Variants in FAF1 observed in about 807,000 individuals in gnomAD.
FAF1 encodes FAS-associated factor 1.
A neutral mutation model predicts 92.5 loss-of-function variants in FAF1; 25 were observed. The observed-to-expected ratio is 0.27, with a 90% CI of 0.20 to 0.38. FAF1 has a LOEUF of 0.38. Among genes scored for constraint, FAF1 ranks in the 10% least tolerant of loss-of-function variants. The pLI, the probability that FAF1 is intolerant of heterozygous loss-of-function variation, is 1.00. For synonymous variants in FAF1, 234 were observed against 273.2 expected (o/e 0.86, Z 1.42); for missense variants, 636 against 793.3 (o/e 0.80, Z 2.38).
At chr1:50,500,212 T>TA (rs1186936601) in intron 15 of FAF1, among the ~76,000 whole-genome samples, 1 of 152,008 alleles carries the variant, frequency 6.6e-6, no homozygotes, top group Non-Finnish European at 1.5e-5. Context: ...GAATTATGGA[T>TA]AAAAAATAAA....
intron 2 of FAF1, among the ~76,000 whole-genome samples, chr1:50,822,687 T>A (rs1168578765): frequency 6.6e-6 from 1 of 152,056 alleles, no homozygotes; most frequent in Non-Finnish European, 1.5e-5. Context: ...AGATTGAATT[T>A]GCGAGCTAAA....
intron 13 of FAF1, among the ~76,000 whole-genome samples, chr1:50,548,093 T>C (rs966883366): frequency 1.3e-5 from 2 of 152,236 alleles, no homozygotes; most frequent in Non-Finnish European, 2.9e-5. Context: ...AGCCAATTTA[T>C]GTTTAATGCC....
chr1:50,593,444 GATTTATCC>G (rs1177794558), intron 9 of FAF1, among the ~76,000 whole-genome samples: 1 of 152,134 alleles, frequency 6.6e-6, no homozygotes, highest in Non-Finnish European at 1.5e-5. Context: ...AATGTTAGTG[GATTTATCC>G]ATTAAAGAGT....
intron 1 of FAF1, among the ~76,000 whole-genome samples, chr1:50,932,979 C>A (rs1428627310): frequency 6.6e-6 from 1 of 152,218 alleles, no homozygotes. Flanking sequence ...TGGCCCATTT[C>A]AGCCATGGCT....
chr1:50,787,992 AAC>A lies in FAF1; in HGVS notation c.367+6_367+7del, dbSNP rs779049366. The A allele has an allele frequency of 6.2e-7, 1 of 1,609,910 alleles. No individual in the cohort carries two copies. Among genetic ancestry groups the A allele is most frequent in the African/African-American group, 1.3e-5 (1 of 74,800 alleles). ...TTTGTGAAGGCTTTATGGCAGGAAAAACCTTACCAACAGTACAGGTGTCTTCA... is the reference window on the plus strand; with the variant it reads ...TTTGTGAAGGCTTTATGGCAGGAAAACTTACCAACAGTACAGGTGTCTTCA... On this transcript the variant is annotated splice_donor_region_variant and intron_variant, in intron 4 of 18. Transcript: ENST00000396153.
chr1:50,819,634 T>TCACACACA (rs1291338974), intron 2 of FAF1, among the ~76,000 whole-genome samples: 38 of 86,316 alleles, frequency 4.4e-4, no homozygotes, highest in African/African-American at 1.4e-3. Flanking sequence ...ACTGACTGAC[T>TCACACACA]CACTCACACA....
chr1:50,534,014 C>T (rs1415825476), intron 15 of FAF1, among the ~76,000 whole-genome samples: 3 of 152,106 alleles, frequency 2.0e-5, no homozygotes, highest in Admixed American at 6.5e-5. Context: ...CTGCCATTTA[C>T]CCCCTCAGGA....
intron 8 of FAF1, among the ~76,000 whole-genome samples, chr1:50,621,009 C>T (rs778371852): frequency 1.1e-4 from 16 of 152,334 alleles, no homozygotes; most frequent in Non-Finnish European, 2.1e-4. Context: ...GCACACTTTC[C>T]GGACCAGCCC....
intron 9 of FAF1, among the ~76,000 whole-genome samples, chr1:50,585,895 A>AG (rs1184450514): frequency 6.1e-4 from 92 of 149,834 alleles, no homozygotes; most frequent in African/African-American, 2.2e-3. Context: ...AAAAAAAAAA[A>AG]AAAAAAGAAA....
At chr1:50,724,395 A>G (rs1658560143) in intron 6 of FAF1, among the ~76,000 whole-genome samples, 1 of 151,928 alleles carries the variant, frequency 6.6e-6, no homozygotes, top group Admixed American at 6.6e-5. Flanking sequence ...GTAGATACCT[A>G]TTACCACTGC....
intron 7 of FAF1, among the ~76,000 whole-genome samples, chr1:50,658,823 G>T (rs963252156): frequency 1.3e-5 from 2 of 152,154 alleles, no homozygotes; most frequent in African/African-American, 4.8e-5. Flanking sequence ...TAAACTAAAA[G>T]AATCTTATGT....
At chr1:50,766,433 C>A (rs1660573106) in intron 4 of FAF1, among the ~76,000 whole-genome samples, 1 of 151,972 alleles carries the variant, frequency 6.6e-6, no homozygotes, top group Admixed American at 6.6e-5. Flanking sequence ...CCAGAAAGGA[C>A]CCATCCAAGA....
chr1:50,621,673 T>C (rs1653215575), intron 8 of FAF1, among the ~76,000 whole-genome samples: 1 of 151,906 alleles, frequency 6.6e-6, no homozygotes, highest in Non-Finnish European at 1.5e-5. Flanking sequence ...GTGCTGAGAT[T>C]ACAGGAGTGA....
intron 1 of FAF1, among the ~76,000 whole-genome samples, chr1:50,883,533 GA>G (rs1003316921): frequency 6.6e-6 from 1 of 152,102 alleles, no homozygotes; most frequent in Non-Finnish European, 1.5e-5. Context: ...CAAGTCAAAT[GA>G]CACCATGAAG....
intron 9 of FAF1, among the ~76,000 whole-genome samples, chr1:50,595,337 A>G (rs1257706406): frequency 6.6e-6 from 1 of 151,938 alleles, no homozygotes; most frequent in East Asian, 2.0e-4. Context: ...TACAGGTGTA[A>G]GTCACTGTAC....
At chr1:50,634,714 C>G (rs1285965470) in intron 8 of FAF1, among the ~76,000 whole-genome samples, 1 of 152,076 alleles carries the variant, frequency 6.6e-6, no homozygotes, top group East Asian at 1.9e-4. Flanking sequence ...AATTTAGAGC[C>G]AATCACTGAT....
intron 5 of FAF1, among the ~76,000 whole-genome samples, chr1:50,743,939 C>T (rs753311266): frequency 9.2e-5 from 14 of 152,062 alleles, no homozygotes; most frequent in Non-Finnish European, 1.5e-4. Flanking sequence ...GGCGTGGTGG[C>T]ACGCACCTGT....
intron 4 of FAF1, among the ~76,000 whole-genome samples, chr1:50,745,584 G>A (rs1172030560): frequency 1.3e-5 from 2 of 152,064 alleles, no homozygotes; most frequent in African/African-American, 2.4e-5. Flanking sequence ...TTAAAAGTGT[G>A]TGCTACCTTT....
chr1:50,858,061 A>G (rs1644404079), intron 1 of FAF1, 64 bp from the exon 2 acceptor site: 1 of 1,125,852 alleles, frequency 8.9e-7, no homozygotes, highest in African/African-American at 1.6e-5. Context: ...AATCAGACTT[A>G]AAAATGTAAA....
Sources: gnomAD v4.1 joint callset for allele counts (sites outside exome capture counted in the v4.1 genomes callset) on GRCh38, gnomAD v4.1.1 for gene constraint, MANE v1.5 for transcripts, NCBI Gene and HGNC (gene_info 2026-07-23, HGNC 2026-07-21) for gene names.